Variants in NPC1 observed in about 807,000 individuals in gnomAD.
NPC1 encodes NPC intracellular cholesterol transporter 1, also known as Niemann-Pick C1 protein.
A neutral mutation model predicts 140.4 loss-of-function variants in NPC1; 85 were observed. The ratio of observed to expected loss-of-function variants is 0.61; its 90% confidence interval spans 0.51 to 0.72. The LOEUF (loss-of-function observed/expected upper bound fraction) is 0.72. Ranked by LOEUF, NPC1 falls within the 30% of genes least tolerant of loss-of-function variation. The probability of loss-of-function intolerance (pLI) is 0.00; values close to 1 mark genes in which losing one functional copy is unlikely to be tolerated. For synonymous variants in NPC1, 656 were observed against 624.8 expected, an observed-to-expected ratio of 1.05 and a Z score of -0.74; for missense variants, 1,504 against 1,623.8, an observed-to-expected ratio of 0.93 and a Z score of 1.27.
In NPC1 at chr18:23,561,355, C is replaced by G. The variant is rs2145484441; in HGVS notation, c.631+5G>C. On this transcript the variant is annotated splice_donor_5th_base_variant and intron_variant, in intron 5 of 24. Coordinates refer to ENST00000269228, the MANE Select transcript of NPC1 (RefSeq NM_000271.5). ...ACACACCAAACTTGGAATCTTTATACCTACCTGAAAACACAGGAGTGATGG... is the reference window on the plus strand; with the variant it reads ...ACACACCAAACTTGGAATCTTTATAGCTACCTGAAAACACAGGAGTGATGG... 6.2e-7 allele frequency: 1 copy of G among 1,614,122 alleles called. No individual in the cohort carries two copies. Among genetic ancestry groups the G allele is most frequent in the Non-Finnish European group, 8.5e-7 (1 of 1,179,996 alleles).
At position 23,533,341 on chromosome 18, in the gene NPC1, A is replaced by G; in HGVS notation, c.3754+14T>C. The G allele has an allele frequency of 6.2e-7, 1 of 1,612,808 alleles. No homozygotes were observed. Reference sequence around the variant, plus strand: ...CCTTCTATTGTGCCACCCTTTTAAGATGAGAACTCTTACCTATGTAACTGA... The same window carrying G: ...CCTTCTATTGTGCCACCCTTTTAAGGTGAGAACTCTTACCTATGTAACTGA... On this transcript the variant is annotated intron_variant, in intron 24 of 24. Transcript: ENST00000269228.
rs116436235 is a variant in NPC1, at chr18:23,535,505, G to A, written c.3441C>T (p.Ile1147=). Residue 1147 remains isoleucine, a synonymous_variant, in exon 22 of 25, where the codon ATC becomes ATT. Transcript: ENST00000269228. ...NMFGVMWLWG[I]SLNAVSLVNL... is the part of the protein sequence containing the mutation. ...TGACCAAGGATACAGCGTTCAGACT[G>A]ATGCCCCAGAGCCACATAACTCCAA... 988 of 1,613,746 alleles carry A rather than the reference G, an allele frequency of 6.1e-4. 7 individuals are homozygous for A. In the African/African-American group the frequency reaches 0.012, roughly 19 times the overall value.
intron 9 of NPC1, among the ~76,000 whole-genome samples, chr18:23,554,378 G>A (rs1211729284): frequency 2.0e-5 from 3 of 152,190 alleles, no homozygotes; most frequent in Non-Finnish European, 4.4e-5. Context: ...GGCCGAGGTG[G>A]GCGGATCGCC....
rs765085780 is a variant in NPC1 at position 23,535,713 on chromosome 18, G to A, written c.3246-13C>T. The A allele has an allele frequency of 1.3e-6, 2 of 1,573,078 alleles. No homozygotes were observed. Among genetic ancestry groups the A allele is most frequent in the Non-Finnish European group, 1.8e-6 (2 of 1,142,804 alleles). On this transcript the variant is annotated splice_polypyrimidine_tract_variant and intron_variant, in intron 21 of 24. Coordinates refer to ENST00000269228, the MANE Select transcript of NPC1 (RefSeq NM_000271.5). ...GACATAAAACACACTGGAGGGGAGA[G>A]GGGAGGCCTCATTAAAGCTCGCTCT...
intron 5 of NPC1, among the ~76,000 whole-genome samples, chr18:23,561,010 GATTC>G (rs1297089778): frequency 2.6e-5 from 4 of 152,288 alleles, no homozygotes; most frequent in African/African-American, 4.8e-5. Context: ...CCTCAACTAA[GATTC>G]ATTCATTCAT....
chr18:23,539,015 AG>A (rs2058673573), intron 19 of NPC1: 1 of 446,548 alleles, frequency 2.2e-6, no homozygotes, highest in Non-Finnish European at 4.1e-6. Flanking sequence ...ACAAAACCAC[AG>A]GGTAAAGTGA....
intron 6 of NPC1, among the ~76,000 whole-genome samples, chr18:23,559,631 C>T (rs2059008356): frequency 6.6e-6 from 1 of 151,392 alleles, no homozygotes; most frequent in African/African-American, 2.4e-5. Context: ...GCCACTGAGC[C>T]TGGCCTTGAC....
chr18:23,540,628 A>G, intron 16 of NPC1, 91 bp from the exon 17 acceptor site: 3 of 966,658 alleles, frequency 3.1e-6, no homozygotes, highest in Non-Finnish European at 4.9e-6. Context: ...AAAAAGCAGG[A>G]TTTTTTAAAA....
intron 3 of NPC1, chr18:23,508,169 C>A: frequency 2.6e-6 from 2 of 776,370 alleles, no homozygotes; most frequent in East Asian, 3.0e-5. Context: ...ATGTTGATTC[C>A]CAAACTGGAG....
In NPC1 at chr18:23,541,169, C is replaced by G. The variant is rs775077140; in HGVS notation, c.2413G>C (p.Glu805Gln). 1.2e-6 allele frequency: 2 copies of G among 1,614,212 alleles called. No individual in the cohort carries two copies. Among genetic ancestry groups the G allele is most frequent in the Admixed American group, 3.3e-5 (2 of 60,024 alleles). The change falls in exon 16 of 25, where the codon GAA becomes CAA. Residue 805 changes from glutamate (E) to glutamine (Q), a missense_variant. By Grantham distance (29) the Glu-to-Gln change is conservative. Coordinates refer to ENST00000269228, the MANE Select transcript of NPC1 (RefSeq NM_000271.5). ...LDIFCCVRGAEDGTSVQASES... is the reference protein window; with the variant it reads ...LDIFCCVRGAQDGTSVQASES... The stretch of plus-strand genomic sequence containing the variant: ...GAGGCCTGGACGCTTGTTCCATCTT[C>G]AGCACCTCTGACACAGCAAAAGATG...
intron 6 of NPC1, among the ~76,000 whole-genome samples, chr18:23,558,917 C>T (rs2058994721): frequency 6.6e-6 from 1 of 152,134 alleles, no homozygotes. Flanking sequence ...GTTCCCCTTC[C>T]TGTGTCCATG....
rs2058530985 is a variant in NPC1, at chr18:23,532,124, C to T, written c.*78G>A. ...GGCACCATCCGGTGTTCAACTTGGC[C>T]TTGCCGATGCAGCACCCGTCCAGTG... On this transcript the variant is annotated 3_prime_UTR_variant, in exon 25 of 25. Coordinates refer to ENST00000269228, the MANE Select transcript of NPC1 (RefSeq NM_000271.5). The T allele has an allele frequency of 1.2e-6, 2 of 1,613,962 alleles. No homozygotes were observed. The highest frequency in any genetic ancestry group is 2.2e-5 in the East Asian group (1 of 44,866).
At chr18:23,520,965 A>T (rs1567925196), downstream of NPC1, among the ~76,000 whole-genome samples, 1 of 151,810 alleles carries the variant, frequency 6.6e-6, no homozygotes, top group Non-Finnish European at 1.5e-5. Flanking sequence ...TGATCTGCCC[A>T]CCTTGGCCTC....
At chr18:23,535,738 T>C (rs745381459) in intron 21 of NPC1, 38 bp from the exon 22 acceptor site, 7 of 1,360,852 alleles carry the variant, frequency 5.1e-6, no homozygotes, top group African/African-American at 1.4e-5. Context: ...AAGCTCGCTC[T>C]CACTCCCGAA....
Position 23,533,439 on chromosome 18 carries a change from A to G in NPC1, c.3670T>C (p.Phe1224Leu), listed in dbSNP as rs2058572301. The G allele has an allele frequency of 1.2e-6, 2 of 1,614,086 alleles. No individual in the cohort carries two copies. Among genetic ancestry groups the G allele is most frequent in the East Asian group, 2.2e-5 (1 of 44,902 alleles). ...AFAKSQIFQI[F>L]YFRMYLAMVL... ...ATGGCCAAATACATCCTGAAGTAGAATATCTGGAAAATTTGAGATTTGGCA... is the reference window on the plus strand; with the variant it reads ...ATGGCCAAATACATCCTGAAGTAGAGTATCTGGAAAATTTGAGATTTGGCA... The change falls in exon 24 of 25, where the codon TTC becomes CTC. Residue 1224 changes from phenylalanine (F) to leucine (L), a missense_variant. Transcript: ENST00000269228.
chr18:23,524,141 G>A (rs143803533), intron 1 of NPC1: 11 of 1,614,006 alleles, frequency 6.8e-6, no homozygotes, highest in African/African-American at 5.3e-5. Flanking sequence ...TCCTGCTGCC[G>A]TGACCAGCCA....
chr18:23,517,480 A>ATATC (rs2058039650), downstream of NPC1, among the ~76,000 whole-genome samples: 2 of 152,108 alleles, frequency 1.3e-5, no homozygotes, highest in South Asian at 4.2e-4. Flanking sequence ...GAAAAAGTGG[A>ATATC]TATCTCAGTT....
downstream of NPC1, among the ~76,000 whole-genome samples, chr18:23,521,575 G>A (rs564019955): frequency 2.0e-5 from 3 of 152,344 alleles, no homozygotes; most frequent in African/African-American, 7.2e-5. Flanking sequence ...GAAGTCAGAA[G>A]AGTGGAGGTC....
chr18:23,561,623 C>T (rs955818361), intron 4 of NPC1, 96 bp from the exon 5 acceptor site: 14 of 1,179,562 alleles, frequency 1.2e-5, no homozygotes, highest in Non-Finnish European at 1.6e-5. Context: ...GAAACACGAA[C>T]TCCATATGCA....
Sources: gnomAD v4.1 joint callset for allele counts (sites outside exome capture counted in the v4.1 genomes callset) on GRCh38, gnomAD v4.1.1 for gene constraint, MANE v1.5 for transcripts, NCBI Gene and HGNC (gene_info 2026-07-23, HGNC 2026-07-21) for gene names.